Variants in KDM7A observed in about 807,000 individuals in gnomAD.
The protein encoded by KDM7A is lysine-specific demethylase 7A.
Under a neutral mutation model 114.8 loss-of-function variants are expected in KDM7A, and 28 were observed. The ratio of observed to expected loss-of-function variants is 0.24; its 90% confidence interval spans 0.18 to 0.33. KDM7A has a LOEUF of 0.33. KDM7A is among the 10% of genes least tolerant of loss of function. The pLI is 1.00. For missense variants in KDM7A, 942 were observed against 1,142.5 expected, an observed-to-expected ratio of 0.82 and a Z score of 2.53; for synonymous variants, 423 against 397.8, an observed-to-expected ratio of 1.06 and a Z score of -0.75.
chr7:140,123,271 C>T (rs1203639065), intron 7 of KDM7A, among the ~76,000 whole-genome samples: 2 of 152,182 alleles, frequency 1.3e-5, no homozygotes, highest in Non-Finnish European at 2.9e-5. Flanking sequence ...GAGAACGGGT[C>T]AGCAATTCCT....
chr7:140,095,559 T>C, intron 17 of KDM7A: 1 of 213,194 alleles, frequency 4.7e-6, no homozygotes, highest in Middle Eastern at 1.9e-3. Context: ...TGGGAGTGAT[T>C]TTACCTACAA....
intron 1 of KDM7A, among the ~76,000 whole-genome samples, chr7:140,159,012 T>C (rs770134049): frequency 7.9e-5 from 12 of 152,160 alleles, no homozygotes; most frequent in Non-Finnish European, 1.5e-4. Flanking sequence ...GGGATGTCAG[T>C]CAAGAAAAGG....
At position 140,118,066 on chromosome 7, in the gene KDM7A, G is replaced by C. The variant is rs549930548; in HGVS notation, c.1246+1047C>G. On this transcript the variant is annotated intron_variant, in intron 9 of 19. Coordinates refer to ENST00000397560, the MANE Select transcript of KDM7A (RefSeq NM_030647.2). Reference sequence around the variant, plus strand: ...TCTTTTCATTTTACCTTTTCTTCTTGTTTAACTTTAAAATGGAAAAAGAAG... The same window carrying C: ...TCTTTTCATTTTACCTTTTCTTCTTCTTTAACTTTAAAATGGAAAAAGAAG... 4.3e-3 allele frequency among the ~76,000 whole-genome samples: 654 copies of C among 152,192 alleles called. 8 individuals carry two copies. The highest frequency in any genetic ancestry group is 0.014 in the African/African-American group (595 of 41,508).
chr7:140,091,769 G>A, intron 19 of KDM7A, 35 bp downstream of exon 19: 1 of 1,605,416 alleles, frequency 6.2e-7, no homozygotes, highest in South Asian at 1.1e-5. Context: ...CATACAGTCA[G>A]AAATATACTT....
chr7:140,169,366 T>G (rs972720321), intron 1 of KDM7A, among the ~76,000 whole-genome samples: 2 of 152,150 alleles, frequency 1.3e-5, no homozygotes, highest in Admixed American at 1.3e-4. Context: ...TATAACCAAA[T>G]TCTTCTATAC....
chr7:140,173,796 T>A (rs888393196), intron 1 of KDM7A, among the ~76,000 whole-genome samples: 6 of 152,138 alleles, frequency 3.9e-5, no homozygotes, highest in African/African-American at 1.4e-4. Flanking sequence ...GATCACTCAT[T>A]TTATGGTACA....
intron 11 of KDM7A, among the ~76,000 whole-genome samples, chr7:140,109,471 A>C (rs989369271): frequency 6.6e-6 from 1 of 152,066 alleles, no homozygotes; most frequent in African/African-American, 2.4e-5. Flanking sequence ...CACTTTATCT[A>C]TTCACCTGCT....
At chr7:140,093,688 A>T (rs1192823183) in intron 18 of KDM7A, among the ~76,000 whole-genome samples, 1 of 152,238 alleles carries the variant, frequency 6.6e-6, no homozygotes, top group Non-Finnish European at 1.5e-5. Flanking sequence ...TCAAATGCTC[A>T]AAGAAATTCA....
At chr7:140,157,917 C>T (rs767111634) in intron 1 of KDM7A, among the ~76,000 whole-genome samples, 1 of 150,008 alleles carries the variant, frequency 6.7e-6, no homozygotes, top group Non-Finnish European at 1.5e-5. Flanking sequence ...TGCAGTGAGC[C>T]GAGATCACAC....
intron 12 of KDM7A, among the ~76,000 whole-genome samples, chr7:140,100,719 T>TACAC (rs1818204260): frequency 1.7e-5 from 1 of 59,720 alleles, no homozygotes; most frequent in Non-Finnish European, 3.4e-5. Flanking sequence ...CACATATATA[T>TACAC]ATATATATAT....
At chr7:140,113,156 T>C (rs1327498617) in intron 10 of KDM7A, among the ~76,000 whole-genome samples, 1 of 152,236 alleles carries the variant, frequency 6.6e-6, no homozygotes, top group Non-Finnish European at 1.5e-5. Flanking sequence ...AATGAGATTA[T>C]GTGTATAAAG....
intron 11 of KDM7A, among the ~76,000 whole-genome samples, chr7:140,109,829 T>C (rs1045297206): frequency 1.3e-5 from 2 of 152,238 alleles, no homozygotes; most frequent in African/African-American, 4.8e-5. Flanking sequence ...CATAACATAT[T>C]GTCATTACAT....
Position 140,091,871 on chromosome 7 carries a change from C to T in KDM7A, c.2664G>A (p.Ser888=), listed in dbSNP as rs755371826. The change falls in exon 19 of 20, where the codon TCG becomes TCA. Residue 888 remains serine (S), a synonymous_variant. Transcript: ENST00000397560. ...PERPVGETSF[S]VPLHPTKRPA... ...GTCTCTTGGTGGGGTGAAGGGGCAC[C>T]GAGAAGGAAGTTTCACCAACTGGCC... The T allele has an allele frequency of 4.7e-5, 76 of 1,613,718 alleles. 1 individual carries two copies. In the South Asian group the frequency reaches 6.6e-4, roughly 14 times the overall value.
chr7:140,155,833 A>G (rs1454979026), intron 1 of KDM7A, among the ~76,000 whole-genome samples: 1 of 152,236 alleles, frequency 6.6e-6, no homozygotes, highest in African/African-American at 2.4e-5. Flanking sequence ...ATTTTGACAG[A>G]CATGCTCTTC....
chr7:140,160,871 G>T (rs1794511599), intron 1 of KDM7A, among the ~76,000 whole-genome samples: 1 of 152,152 alleles, frequency 6.6e-6, no homozygotes, highest in African/African-American at 2.4e-5. Flanking sequence ...GGAAAAGCAG[G>T]TAAGAGGAAA....
intron 1 of KDM7A, among the ~76,000 whole-genome samples, chr7:140,168,997 A>ATGTG (rs1794608783): frequency 6.6e-6 from 1 of 152,170 alleles, no homozygotes; most frequent in Non-Finnish European, 1.5e-5. Flanking sequence ...ACAAAGACAA[A>ATGTG]TGTGTGTGCA....
chr7:140,131,182 C>A (rs1482419399), intron 3 of KDM7A, among the ~76,000 whole-genome samples: 1 of 152,030 alleles, frequency 6.6e-6, no homozygotes, highest in East Asian at 1.9e-4. Context: ...AGTCTTAATA[C>A]TAGGTAGTAA....
chr7:140,130,741 T>C (rs191480248), intron 3 of KDM7A, among the ~76,000 whole-genome samples: 5 of 152,244 alleles, frequency 3.3e-5, no homozygotes, highest in Admixed American at 6.5e-5. Context: ...GTTCTGCATA[T>C]TGAAAGATGA....
intron 1 of KDM7A, among the ~76,000 whole-genome samples, chr7:140,157,814 A>G (rs1332788267): frequency 6.6e-6 from 1 of 151,412 alleles, no homozygotes; most frequent in Non-Finnish European, 1.5e-5. Context: ...ATACAAAAAA[A>G]AAAAATTAGT....
Sources: gnomAD v4.1 joint callset for allele counts (sites outside exome capture counted in the v4.1 genomes callset) on GRCh38, gnomAD v4.1.1 for gene constraint, MANE v1.5 for transcripts, NCBI Gene and HGNC (gene_info 2026-07-23, HGNC 2026-07-21) for gene names.